REPS1: variants seen among roughly 807,000 people sequenced by gnomAD.
The protein encoded by REPS1 is RALBP1 associated Eps domain containing 1.
In REPS1, 39 loss-of-function variants were observed where a neutral mutation model predicts 100.9. The observed-to-expected ratio is 0.39, with a 90% CI of 0.30 to 0.50. The LOEUF is 0.50. Among genes scored for constraint, REPS1 ranks in the 20% least tolerant of loss-of-function variants. The probability of loss-of-function intolerance (pLI) is 0.86; values close to 1 mark genes in which losing one functional copy is unlikely to be tolerated. For missense variants in REPS1, 821 were observed against 968.5 expected, an observed-to-expected ratio of 0.85 and a Z score of 2.02; for synonymous variants, 324 against 340.3, an observed-to-expected ratio of 0.95 and a Z score of 0.53.
At chr6:138,963,723 A>G (rs1489872572) in intron 1 of REPS1, among the ~76,000 whole-genome samples, 2 of 152,218 alleles carry the variant, frequency 1.3e-5, no homozygotes, top group Non-Finnish European at 2.9e-5. Context: ...GACACACGCC[A>G]AAGCCCCGTC....
At chr6:138,952,251 G>A (rs1020605034) in intron 1 of REPS1, among the ~76,000 whole-genome samples, 11 of 152,250 alleles carry the variant, frequency 7.2e-5, no homozygotes, top group South Asian at 2.1e-4. Flanking sequence ...TGGAAAGGAA[G>A]AAGTCAAATT....
At chr6:138,915,504 G>A (rs955000505) in intron 14 of REPS1, among the ~76,000 whole-genome samples, 1 of 149,108 alleles carries the variant, frequency 6.7e-6, no homozygotes, top group Non-Finnish European at 1.5e-5. Context: ...CCAGGCTGGA[G>A]TGCAGTGATG....
intron 15 of REPS1, among the ~76,000 whole-genome samples, chr6:138,913,854 T>A (rs1397414122): frequency 6.6e-6 from 1 of 152,232 alleles, no homozygotes; most frequent in Non-Finnish European, 1.5e-5. Context: ...TTTTCCCCAA[T>A]AAATTCCACT....
intron 8 of REPS1, among the ~76,000 whole-genome samples, chr6:138,937,517 G>A (rs1781929631): frequency 6.7e-6 from 1 of 148,850 alleles, no homozygotes; most frequent in Middle Eastern, 3.2e-3. Context: ...TCTCTTCTCT[G>A]GCTTAAAAAA....
At chr6:138,928,373 T>G (rs551814291) in intron 9 of REPS1, 2 of 152,342 alleles carry the variant, frequency 1.3e-5, no homozygotes, top group Admixed American at 1.3e-4. Flanking sequence ...GAAAGATTAC[T>G]AGTGCTTTCT....
At chr6:138,957,501 T>C (rs9321685) in intron 1 of REPS1, among the ~76,000 whole-genome samples, 60,696 of 152,058 alleles carry the variant, frequency 0.4, 12,577 homozygotes, top group East Asian at 0.62. Context: ...GTTTATCTCC[T>C]GTGAACCCAT....
Position 138,943,876 on chromosome 6 carries a change from G to C in REPS1, c.893C>G (p.Pro298Arg). 6.2e-7 allele frequency: 1 copy of C among 1,613,432 alleles called. No individual in the cohort carries two copies. The highest frequency in any genetic ancestry group is 1.1e-5 in the South Asian group (1 of 91,046). Residue 298 changes from proline (P) to arginine (R), a missense_variant, in exon 6 of 20, where the codon CCT becomes CGT. Around this residue, in one of 3 missense-constraint regions of REPS1, gnomAD observed 757 missense variants for 866.4 expected, o/e 0.87. Transcript: ENST00000450536. ...ACCTGGAATAAATCCGTTTAGATCAGGCTGAATGGTTTTAAACTGATTTAC... is the reference window on the plus strand; with the variant it reads ...ACCTGGAATAAATCCGTTTAGATCACGCTGAATGGTTTTAAACTGATTTAC... ...YYVNQFKTIQ[P>R]DLNGFIPGSA...
At chr6:138,981,692 A>G (rs1784962741) in intron 1 of REPS1, among the ~76,000 whole-genome samples, 1 of 152,228 alleles carries the variant, frequency 6.6e-6, no homozygotes, top group Non-Finnish European at 1.5e-5. Context: ...AGATACTCTC[A>G]TTTGAGTCAG....
At chr6:138,931,312 A>G (rs1054429919) in intron 8 of REPS1, among the ~76,000 whole-genome samples, 7 of 152,196 alleles carry the variant, frequency 4.6e-5, no homozygotes, top group African/African-American at 1.7e-4. Context: ...GGCCTAATAC[A>G]TACGGGCACT....
chr6:138,963,199 C>G (rs1330365822), intron 1 of REPS1, among the ~76,000 whole-genome samples: 1 of 152,098 alleles, frequency 6.6e-6, no homozygotes, highest in Non-Finnish European at 1.5e-5. Context: ...GACCTACTTC[C>G]TTCCTGTAAC....
At chr6:138,945,803 C>T in intron 2 of REPS1, 106 bp from the exon 3 acceptor site, 5 of 948,194 alleles carry the variant, frequency 5.3e-6, no homozygotes, top group Non-Finnish European at 7.4e-6. Context: ...AAAATGGATA[C>T]AGAAACAAGA....
chr6:138,938,292 T>C (rs1213772259), intron 8 of REPS1, among the ~76,000 whole-genome samples: 1 of 152,226 alleles, frequency 6.6e-6, no homozygotes, highest in Non-Finnish European at 1.5e-5. Context: ...CCAACCATGT[T>C]TGCATGCCTA....
At chr6:138,907,360 C>T (rs1259330844) in intron 19 of REPS1, 135 bp downstream of exon 19, 5 of 417,724 alleles carry the variant, frequency 1.2e-5, no homozygotes, top group African/African-American at 6.5e-5. Context: ...GGTTAACTAA[C>T]CACAGTCAAA....
chr6:138,903,783 A>G lies in REPS1; in HGVS notation c.*1281T>C, dbSNP rs999277492. The G allele has an allele frequency of 6.6e-6, 1 of 152,200 alleles. No individual in the cohort carries two copies. The highest frequency in any genetic ancestry group is 2.4e-5 in the African/African-American group (1 of 41,446). The allele number at this position is 152,200 out of a possible 1,614,324, so 9.4% of individuals were successfully genotyped here. A position where few individuals can be genotyped will look rare whatever the true frequency, so the allele number is the denominator to read the frequency against. On this transcript the variant is annotated 3_prime_UTR_variant, in exon 20 of 20. Transcript: ENST00000450536. Reference sequence around the variant, plus strand: ...ATACTGAAAGCCACTTGGAAACTTCAGCTGATGTATATTTTTACCTAGATA... The same window carrying G: ...ATACTGAAAGCCACTTGGAAACTTCGGCTGATGTATATTTTTACCTAGATA...
chr6:138,912,800 C>A lies in REPS1; in HGVS notation c.1936G>T (p.Asp646Tyr), dbSNP rs769194241. 1.2e-6 allele frequency: 2 copies of A among 1,614,062 alleles called. No homozygotes were observed. The highest frequency in any genetic ancestry group is 1.7e-6 in the Non-Finnish European group (2 of 1,180,036). ...FAASNVNDEQ[D>Y]DEAEKHPEVL... ...TCTGGATGTTTCTCGGCTTCATCAT[C>A]TTGTTCGTCGTTTACATTTGATGCA... Residue 646 changes from aspartate (D) to tyrosine (Y), a missense_variant, in exon 16 of 20, where the codon GAT becomes TAT. Transcript: ENST00000450536.
chr6:138,912,568 C>T (rs1373472430), intron 16 of REPS1, 197 bp downstream of exon 16: 3 of 594,868 alleles, frequency 5.0e-6, no homozygotes, highest in East Asian at 5.9e-5. Flanking sequence ...ATCAATCCCC[C>T]ACCCCCACCA....
intron 1 of REPS1, among the ~76,000 whole-genome samples, chr6:138,955,282 T>C (rs1256702352): frequency 6.6e-6 from 1 of 151,978 alleles, no homozygotes; most frequent in African/African-American, 2.4e-5. Flanking sequence ...AGACCCTGTC[T>C]CTACAAGAAA....
At position 138,907,781 on chromosome 6, in the gene REPS1, G is replaced by A. The variant is rs539485237; in HGVS notation, c.2217-181C>T. Among the ~76,000 whole-genome samples, 3 of 149,460 alleles carry A rather than the reference G, an allele frequency of 2.0e-5. No individual in the cohort carries two copies. The South Asian group carries it at 6.3e-4, about 31-fold the overall frequency. On this transcript the variant is annotated intron_variant, in intron 18 of 19. Transcript: ENST00000450536. Reference sequence around the variant, plus strand: ...ATATAAGCTTCAGCACTATAGGAAAGGTTAAAAAAAAAAAAAGAAATTATT... The same window carrying A: ...ATATAAGCTTCAGCACTATAGGAAAAGTTAAAAAAAAAAAAAGAAATTATT...
At position 138,912,966 on chromosome 6, in the gene REPS1, G is replaced by A; in HGVS notation, c.1786-16C>T. 6.3e-7 allele frequency: 1 copy of A among 1,593,534 alleles called. No homozygotes were observed. The highest frequency in any genetic ancestry group is 8.6e-7 in the Non-Finnish European group (1 of 1,169,148). The stretch of plus-strand genomic sequence containing the variant: ...GACCAGGAGCCTGTGCAATGGTTCA[G>A]AACAGAGGAACACACATTCTATCAG... On this transcript the variant is annotated splice_polypyrimidine_tract_variant and intron_variant, in intron 15 of 19. Transcript: ENST00000450536.
Sources: allele counts gnomAD v4.1 joint callset (sites outside exome capture counted in the v4.1 genomes callset), GRCh38; gene constraint gnomAD v4.1.1; regional missense constraint gnomAD v4.1.1; transcripts MANE v1.5; gene names NCBI Gene and HGNC (gene_info 2026-07-23, HGNC 2026-07-21).